Variants in SNTG1 observed in about 807,000 individuals in gnomAD.
The protein encoded by SNTG1 is syntrophin gamma 1.
SNTG1 carries 39 observed loss-of-function variants against 74.7 expected under a neutral mutation model. The ratio of observed to expected loss-of-function variants is 0.52; its 90% CI spans 0.40 to 0.68. The LOEUF (loss-of-function observed/expected upper bound fraction) is 0.68. SNTG1 is among the 30% of genes least tolerant of loss of function. The pLI is 0.00. For missense variants in SNTG1, 685 were observed against 609.5 expected (o/e 1.12, Z -1.30); for synonymous variants, 254 against 217.1 (o/e 1.17, Z -1.49).
intron 13 of SNTG1, among the ~76,000 whole-genome samples, chr8:50,594,799 G>A (rs2094715847): frequency 6.6e-6 from 1 of 152,024 alleles, no homozygotes; most frequent in South Asian, 2.1e-4. Flanking sequence ...TAACAAATAT[G>A]GAAATTCACA....
intron 13 of SNTG1, among the ~76,000 whole-genome samples, chr8:50,638,106 T>C (rs933873427): frequency 2.6e-5 from 4 of 152,242 alleles, no homozygotes; most frequent in Non-Finnish European, 4.4e-5. Flanking sequence ...CACTGGTGGC[T>C]TTCCAGATGG....
intron 1 of SNTG1, among the ~76,000 whole-genome samples, chr8:49,942,620 C>A (rs1042223512): frequency 6.6e-6 from 1 of 152,154 alleles, no homozygotes; most frequent in Non-Finnish European, 1.5e-5. Flanking sequence ...GATCATTTCC[C>A]AGACTTCTTT....
rs1563776737 is a variant in SNTG1, at chr8:50,234,379, G to GGT, written c.-28+61753_-28+61754dup. Among the ~76,000 whole-genome samples the GGT allele has an allele frequency of 2.0e-5, 3 of 151,786 alleles. No individual in the cohort carries two copies. The East Asian group carries it at 5.8e-4, about 30-fold the overall frequency. On this transcript the variant is annotated intron_variant, in intron 2 of 18. Transcript: ENST00000642720. ...AGATTAGTGGATTGCGTGGGTTAGG[G>GGT]GTGTGTGTGTAACTATAAAGGAGTA...
At chr8:50,643,276 T>A (rs1481732962) in intron 13 of SNTG1, among the ~76,000 whole-genome samples, 1 of 152,226 alleles carries the variant, frequency 6.6e-6, no homozygotes, top group South Asian at 2.1e-4. Flanking sequence ...CTTTCCTGAT[T>A]GCCACTCTCC....
chr8:50,084,634 T>G (rs1264885232), intron 1 of SNTG1, among the ~76,000 whole-genome samples: 1 of 152,188 alleles, frequency 6.6e-6, no homozygotes, highest in East Asian at 1.9e-4. Flanking sequence ...TGTAAACATC[T>G]CTCTCATTGC....
intron 11 of SNTG1, among the ~76,000 whole-genome samples, chr8:50,547,665 A>G (rs932393089): frequency 7.9e-5 from 12 of 152,130 alleles, no homozygotes; most frequent in Admixed American, 1.3e-4. Flanking sequence ...ATATCTCTGG[A>G]AAACTGAACA....
intron 1 of SNTG1, among the ~76,000 whole-genome samples, chr8:50,044,758 AT>A: frequency 1.3e-5 from 2 of 152,332 alleles, no homozygotes; most frequent in Admixed American, 1.3e-4. Flanking sequence ...GAATTACCAC[AT>A]TGTTTCATCA....
intron 2 of SNTG1, among the ~76,000 whole-genome samples, chr8:50,266,684 G>GTATATATATA (rs1554623724): frequency 2.7e-4 from 37 of 136,810 alleles, no homozygotes; most frequent in African/African-American, 1.0e-3. Flanking sequence ...GTGTGTGTGT[G>GTATATATATA]TATATATATA....
chr8:50,565,977 G>A (rs1006737218), intron 12 of SNTG1, among the ~76,000 whole-genome samples: 10 of 151,736 alleles, frequency 6.6e-5, no homozygotes, highest in East Asian at 1.9e-4. Flanking sequence ...ATTTTTTTAC[G>A]GAAATTTTCA....
chr8:50,623,468 G>A (rs1049881363), intron 13 of SNTG1, among the ~76,000 whole-genome samples: 2 of 151,964 alleles, frequency 1.3e-5, no homozygotes, highest in African/African-American at 4.8e-5. Flanking sequence ...AAACATCTGA[G>A]TATCTTGTAG....
At chr8:50,214,890 G>A (rs569261209) in intron 2 of SNTG1, among the ~76,000 whole-genome samples, 4 of 152,292 alleles carry the variant, frequency 2.6e-5, no homozygotes, top group South Asian at 4.1e-4. Flanking sequence ...TAACATGCTA[G>A]AAGCAAGGGG....
chr8:49,952,314 C>A (rs140364573), intron 1 of SNTG1, among the ~76,000 whole-genome samples: 5 of 152,052 alleles, frequency 3.3e-5, no homozygotes, highest in Non-Finnish European at 5.9e-5. Context: ...TGTTAAACAA[C>A]GCAAAATCCT....
intron 15 of SNTG1, among the ~76,000 whole-genome samples, chr8:50,665,765 A>G (rs2095247964): frequency 6.6e-6 from 1 of 152,170 alleles, no homozygotes; most frequent in Non-Finnish European, 1.5e-5. Flanking sequence ...AAATGTTAGC[A>G]ATGGATTATA....
At chr8:50,680,851 C>A (rs1201643355) in intron 15 of SNTG1, among the ~76,000 whole-genome samples, 3 of 152,014 alleles carry the variant, frequency 2.0e-5, no homozygotes, top group African/African-American at 7.2e-5. Context: ...GTAAATGACC[C>A]GCAGGTAAGC....
intron 12 of SNTG1, among the ~76,000 whole-genome samples, chr8:50,576,399 C>T (rs1580413): frequency 0.86 from 131,182 of 152,150 alleles, 56,734 homozygotes; most frequent in East Asian, 0.94. Context: ...TCAAGAAATA[C>T]GTGTTCTCTG....
At chr8:50,595,346 A>G (rs2094720379) in intron 13 of SNTG1, among the ~76,000 whole-genome samples, 1 of 152,086 alleles carries the variant, frequency 6.6e-6, no homozygotes, top group Non-Finnish European at 1.5e-5. Flanking sequence ...ACTCTTGGAA[A>G]ATCAACCAGC....
At chr8:50,378,953 GCCTT>G (rs1472128872) in intron 2 of SNTG1, among the ~76,000 whole-genome samples, 4 of 152,120 alleles carry the variant, frequency 2.6e-5, no homozygotes, top group African/African-American at 7.2e-5. Context: ...CTGTCCCCCA[GCCTT>G]CAGGCCCTCC....
chr8:50,341,423 A>G (rs1182380500), intron 2 of SNTG1, among the ~76,000 whole-genome samples: 2 of 151,934 alleles, frequency 1.3e-5, no homozygotes, highest in East Asian at 1.9e-4. Flanking sequence ...AGTCATTTCT[A>G]TGTATAATAG....
intron 1 of SNTG1, among the ~76,000 whole-genome samples, chr8:50,091,934 T>C (rs536844363): frequency 3.3e-5 from 5 of 152,216 alleles, no homozygotes; most frequent in South Asian, 4.2e-4. Context: ...CTGAGTGAGA[T>C]AGCAATGACA....
Sources: gnomAD v4.1 joint callset for allele counts (sites outside exome capture counted in the v4.1 genomes callset) on GRCh38, gnomAD v4.1.1 for gene constraint, MANE v1.5 for transcripts, NCBI Gene and HGNC (gene_info 2026-07-23, HGNC 2026-07-21) for gene names.